OVCH2: variants seen among roughly 807,000 people sequenced by gnomAD.
The protein encoded by OVCH2 is ovochymase 2.
In OVCH2, 88 loss-of-function variants were observed where a neutral mutation model predicts 73.7. The ratio of observed to expected loss-of-function variants is 1.19; its 90% confidence interval spans 1.01 to 1.43. OVCH2 has a LOEUF of 1.43. Ranked by LOEUF, OVCH2 falls within the 40% of genes most tolerant of loss-of-function variation. The probability of loss-of-function intolerance (pLI) is 0.00; values close to 1 mark genes in which losing one functional copy is unlikely to be tolerated. For missense variants in OVCH2, 706 were observed against 674.5 expected (o/e 1.05, Z -0.52); for synonymous variants, 265 against 234.5 (o/e 1.13, Z -1.19).
At chr11:7,689,189 G>A (rs1447490148), downstream of OVCH2, among the ~76,000 whole-genome samples, 3 of 152,192 alleles carry the variant, frequency 2.0e-5, no homozygotes, top group Non-Finnish European at 4.4e-5. Flanking sequence ...TGAATAATCT[G>A]GGTGAACCTG....
At chr11:7,692,135 G>T in intron 12 of OVCH2, 140 bp from the exon 13 acceptor site, 1 of 624,742 alleles carries the variant, frequency 1.6e-6, no homozygotes, top group South Asian at 2.0e-5. Context: ...TTCAGGAGTG[G>T]GTCAGATTAC....
chr11:7,680,124 T>C, the OVCH2 span, among the ~76,000 whole-genome samples: 7 of 152,226 alleles, frequency 4.6e-5, no homozygotes, highest in East Asian at 1.2e-3. Flanking sequence ...GAGGGAGTCA[T>C]GGGAACCCCA....
intron 8 of OVCH2, among the ~76,000 whole-genome samples, chr11:7,698,336 A>G (rs1456382744): frequency 6.6e-6 from 1 of 152,204 alleles, no homozygotes; most frequent in Non-Finnish European, 1.5e-5. Context: ...TTCTTTATGG[A>G]TGAGGGCCAG....
chr11:7,704,739 C>A (rs1212762649), intron 1 of OVCH2, 65 bp from the exon 2 acceptor site: 2 of 1,079,498 alleles, frequency 1.9e-6, no homozygotes, highest in African/African-American at 1.6e-5. Context: ...ATATCTTCTC[C>A]ATTTCACCCA....
chr11:7,695,153 C>A lies in OVCH2; in HGVS notation c.1318G>T (p.Glu440Ter). Residue 440 changes from glutamate to a stop codon, truncating the protein, a stop_gained, in exon 12 of 16, where the codon GAA becomes TAA. Coordinates refer to ENST00000533663, the MANE Select transcript of OVCH2 (RefSeq NM_198185.7). LOFTEE classifies it high-confidence loss of function. ...GCSYLTVLFE[E>*]GLIQSLNYPE... is the part of the protein sequence containing the mutation. ...TAGTTTAGACTCTGTATGAGACCTT[C>A]TTCAAAAAGGACAGTTAAGTAACTG... is the stretch of plus-strand genomic sequence containing the variant. The A allele has an allele frequency of 6.4e-7, 1 of 1,558,844 alleles. No individual in the cohort carries two copies. Among genetic ancestry groups the A allele is most frequent in the Non-Finnish European group, 8.7e-7 (1 of 1,151,422 alleles).
chr11:7,704,605 A>G lies in OVCH2; in HGVS notation c.158T>C (p.Leu53Pro). The G allele has an allele frequency of 6.2e-7, 1 of 1,612,950 alleles. No individual in the cohort carries two copies. The change falls in exon 2 of 16, where the codon CTT (leucine) becomes CCT (proline). Residue 53 changes from leucine to proline, a missense_variant. Leu to Pro is a moderately conservative substitution (Grantham distance 98). Coordinates refer to ENST00000533663, the MANE Select transcript of OVCH2 (RefSeq NM_198185.7). ...WNYFNIFSRI[L>P]GGSQVEKGSY... is the part of the protein sequence containing the mutation. The stretch of plus-strand genomic sequence containing the variant: ...ACCCTTCTCCACTTGGCTTCCTCCA[A>G]GAATGCGACTGAAAATGTTAAAATA...
At chr11:7,695,424 C>G in intron 11 of OVCH2, 146 bp downstream of exon 11, 1 of 950,162 alleles carries the variant, frequency 1.1e-6, no homozygotes, top group South Asian at 1.7e-5. Context: ...AGACTGCCCC[C>G]TGTTCTCTAG....
At chr11:7,688,490 C>A (rs538252864), downstream of OVCH2, among the ~76,000 whole-genome samples, 1 of 152,068 alleles carries the variant, frequency 6.6e-6, no homozygotes. Flanking sequence ...TTTTTCCACC[C>A]GGGGCTTCTT....
In OVCH2 at chr11:7,702,249, A is replaced by G. The variant is rs182597186; in HGVS notation, c.371T>C (p.Ile124Thr). Reference sequence around the variant, plus strand: ...ATGTGGATGTATGATGACAGTTTCAATAGTGAGAGTTTGCTCTCCTGGGTC... The same window carrying G: ...ATGTGGATGTATGATGACAGTTTCAGTAGTGAGAGTTTGCTCTCCTGGGTC... ...QTDPGEQTLT[I>T]ETVIIHPHFS... The change falls in exon 4 of 16, where the codon ATT (isoleucine) becomes ACT (threonine). Residue 124 changes from isoleucine (I) to threonine (T), a missense_variant. By Grantham distance (89) the Ile-to-Thr change is moderately conservative (BLOSUM62 -1). Coordinates refer to ENST00000533663, the MANE Select transcript of OVCH2 (RefSeq NM_198185.7). 5 of 1,612,884 alleles carry G rather than the reference A, an allele frequency of 3.1e-6. No individual in the cohort carries two copies. The Admixed American group carries it at 5.0e-5, about 16-fold the overall frequency.
chr11:7,690,356 T>C (rs1253082802), intron 14 of OVCH2, among the ~76,000 whole-genome samples: 1 of 152,206 alleles, frequency 6.6e-6, no homozygotes, highest in African/African-American at 2.4e-5. Flanking sequence ...TGTTTCTATG[T>C]CTCTGTTATG....
At chr11:7,700,188 A>T in intron 7 of OVCH2, 108 bp downstream of exon 7, 5 of 1,046,292 alleles carry the variant, frequency 4.8e-6, no homozygotes, top group African/African-American at 1.6e-5. Context: ...CTGAGAACAG[A>T]GGTAGAGCCT....
chr11:7,696,349 G>A (rs1020897117), intron 10 of OVCH2, 116 bp downstream of exon 10: 12 of 1,403,442 alleles, frequency 8.6e-6, no homozygotes, highest in Non-Finnish European at 1.2e-5. Context: ...GAGTCTCAAA[G>A]CGGAAGTCAA....
intron 12 of OVCH2, 65 bp downstream of exon 12, chr11:7,694,993 A>G (rs1242476233): frequency 6.7e-7 from 1 of 1,501,616 alleles, no homozygotes; most frequent in African/African-American, 1.4e-5. Flanking sequence ...CTCTGACCTC[A>G]TGGTGCTTAT....
At chr11:7,693,833 A>G (rs906575883) in intron 12 of OVCH2, among the ~76,000 whole-genome samples, 2 of 152,064 alleles carry the variant, frequency 1.3e-5, no homozygotes, top group African/African-American at 4.8e-5. Context: ...ACTCCTCTCA[A>G]TTGTTCAATT....
At chr11:7,702,448 C>T in intron 3 of OVCH2, 119 bp from the exon 4 acceptor site, 1 of 767,510 alleles carries the variant, frequency 1.3e-6, no homozygotes. Context: ...TGTGAGGCTG[C>T]TGAGCAGAGA....
intron 12 of OVCH2, among the ~76,000 whole-genome samples, chr11:7,694,244 A>T (rs1415239760): frequency 6.6e-6 from 1 of 152,162 alleles, no homozygotes; most frequent in African/African-American, 2.4e-5. Flanking sequence ...CTCCCTGATG[A>T]TATCTCTCTG....
rs1333015993 is a variant in OVCH2 at position 7,701,738 on chromosome 11, T to C, written c.537A>G (p.Ala179=). Residue 179 remains alanine (A), a synonymous_variant, in exon 5 of 16, where the codon GCA becomes GCG. Coordinates refer to ENST00000533663, the MANE Select transcript of OVCH2 (RefSeq NM_198185.7). ...QFEAGFICTT[A]GWGRLTEGGV... is the part of the protein sequence containing the mutation. ...TACCTTCAGTTAAGCGGCCCCAGCC[T>C]GCAGTTGTACAAATAAAACCAGCCT... The C allele has an allele frequency of 1.9e-6, 3 of 1,612,120 alleles. No individual in the cohort carries two copies. The highest frequency in any genetic ancestry group is 2.5e-6 in the Non-Finnish European group (3 of 1,179,330).
intron 3 of OVCH2, 124 bp from the exon 4 acceptor site, chr11:7,702,453 C>G: frequency 1.3e-6 from 1 of 744,360 alleles, no homozygotes; most frequent in Non-Finnish European, 2.1e-6. Context: ...GGCTGCTGAG[C>G]AGAGAAAGTG....
Position 7,698,769 on chromosome 11 carries a change from A to C in OVCH2, c.906T>G (p.Asn302Lys). The C allele has an allele frequency of 6.2e-7, 1 of 1,612,818 alleles. No homozygotes were observed. Among genetic ancestry groups the C allele is most frequent in the Non-Finnish European group, 8.5e-7 (1 of 1,179,540 alleles). The change falls in exon 8 of 16, where the codon AAT (asparagine) becomes AAG (lysine). Residue 302 changes from asparagine to lysine, a missense_variant. Transcript: ENST00000533663. Reference sequence around the variant, plus strand: ...ACCCACCTCTGGAGCTCTTTCTCCGATTACCTGGGAAAGGAAAAGAAGGAT... The same window carrying C: ...ACCCACCTCTGGAGCTCTTTCTCCGCTTACCTGGGAAAGGAAAAGAAGGAT... ...PWIHEHIQTG[N>K]RRKSSRAWCS...
Sources: gnomAD v4.1 joint callset for allele counts (sites outside exome capture counted in the v4.1 genomes callset) on GRCh38, gnomAD v4.1.1 for gene constraint, MANE v1.5 for transcripts, NCBI Gene and HGNC (gene_info 2026-07-23, HGNC 2026-07-21) for gene names.